INTS3: variants seen among roughly 807,000 people sequenced by gnomAD.
INTS3 encodes the protein SOSS complex subunit A.
A neutral mutation model predicts 146.3 loss-of-function variants in INTS3; 34 were observed. That is an observed-to-expected ratio of 0.23 (90% CI 0.18 to 0.31). The LOEUF is 0.31. Ranked by LOEUF, INTS3 falls within the 10% of genes least tolerant of loss-of-function variation. The pLI is 1.00. For missense variants in INTS3, 757 were observed against 1,304.2 expected (o/e 0.58, Z 6.46); for synonymous variants, 475 against 494.9 (o/e 0.96, Z 0.53).
At chr1:153,766,202 A>G (rs1672577264) in intron 20 of INTS3, among the ~76,000 whole-genome samples, 1 of 145,208 alleles carries the variant, frequency 6.9e-6, no homozygotes, top group Non-Finnish European at 1.5e-5. Context: ...GCTCACTGCA[A>G]CCTCCGCTTC....
At chr1:153,769,197 C>T (rs1356963270) in intron 22 of INTS3, among the ~76,000 whole-genome samples, 1 of 152,220 alleles carries the variant, frequency 6.6e-6, no homozygotes, top group Non-Finnish European at 1.5e-5. Flanking sequence ...TCTCCATATT[C>T]TTTGGGCACT....
At chr1:153,760,556 C>A in intron 12 of INTS3, 166 bp downstream of exon 12, 1 of 639,214 alleles carries the variant, frequency 1.6e-6, no homozygotes, top group Non-Finnish European at 2.8e-6. Context: ...CCATATTCCA[C>A]TGTCTGCACT....
chr1:153,742,157 T>C (rs959813095), intron 3 of INTS3, among the ~76,000 whole-genome samples: 1 of 152,208 alleles, frequency 6.6e-6, no homozygotes, highest in African/African-American at 2.4e-5. Flanking sequence ...GAAACTGATC[T>C]GTTTGTACTT....
At position 153,747,288 on chromosome 1, in the gene INTS3, T is replaced by C. The variant is rs774852461; in HGVS notation, c.442T>C (p.Leu148=). 1 of 1,614,070 alleles carries C rather than the reference T, an allele frequency of 6.2e-7. No homozygotes were observed. The highest frequency in any genetic ancestry group is 8.5e-7 in the Non-Finnish European group (1 of 1,179,908). The change falls in exon 5 of 30, where the codon TTG becomes CTG. Residue 148 remains leucine (L), a synonymous_variant. Coordinates refer to ENST00000318967, the MANE Select transcript of INTS3 (RefSeq NM_023015.5). ...QDTCRTQLVW[L]VRELVKSGVL... is the part of the protein sequence containing the mutation. ...TCCCTCTTTCCTTTAGTTGGTGTGG[T>C]TGGTACGGGAACTGGTGAAGAGTGG...
At chr1:153,750,230 CA>C (rs886678269) in intron 6 of INTS3, among the ~76,000 whole-genome samples, 1 of 152,240 alleles carries the variant, frequency 6.6e-6, no homozygotes, top group African/African-American at 2.4e-5. Context: ...TGCCTTCCAA[CA>C]GGGGGGCCAA....
In INTS3 at chr1:153,771,781, C is replaced by T. The variant is rs551840743; in HGVS notation, c.2553-15C>T. On this transcript the variant is annotated splice_polypyrimidine_tract_variant and intron_variant, in intron 25 of 29. Coordinates refer to ENST00000318967, the MANE Select transcript of INTS3 (RefSeq NM_023015.5). The stretch of plus-strand genomic sequence containing the variant: ...CACTGTGCAAGCAGCACCCAGTGCC[C>T]CCTTCCTCCCCCAGGCCCAGCGAGG... 729 of 1,605,470 alleles carry T rather than the reference C, an allele frequency of 4.5e-4. 8 individuals carry two copies. The South Asian group carries it at 7.3e-3, about 16-fold the overall frequency.
Position 153,757,899 on chromosome 1 carries a change from C to A in INTS3, c.1149+136C>A. 1.6e-6 allele frequency: 1 copy of A among 618,858 alleles called. No homozygotes were observed. The highest frequency in any genetic ancestry group is 2.8e-6 in the Non-Finnish European group (1 of 353,338). The allele number at this position is 618,858 out of a possible 1,614,324, so 38.3% of individuals were successfully genotyped here. The stretch of plus-strand genomic sequence containing the variant: ...ACTCTGGTCTTCCAGAGTGTCTCAG[C>A]CTTCACTTCCCTTTGTGTCTCTAGA... On this transcript the variant is annotated intron_variant, in intron 10 of 29. Transcript: ENST00000318967. This position sits in a 1 kb window ranked among gnomAD's most constrained non-coding sequence, Gnocchi z 4.0.
Position 153,761,660 on chromosome 1 carries a change from C to T in INTS3, c.1500C>T (p.Pro500=). ...AGTTTCCTGAGTTCTGCAGCTCACC[C>T]TCCCCACCTGTGGAAGGTATGAGGC... ...REKFPEFCSS[P]SPPVEVKIEE... is the part of the protein sequence containing the mutation. Residue 500 remains proline, a synonymous_variant, in exon 14 of 30, where the codon CCC becomes CCT. Coordinates refer to ENST00000318967, the MANE Select transcript of INTS3 (RefSeq NM_023015.5). 1 of 1,613,284 alleles carries T rather than the reference C, an allele frequency of 6.2e-7. No homozygotes were observed. Among genetic ancestry groups the T allele is most frequent in the Non-Finnish European group, 8.5e-7 (1 of 1,179,188 alleles).
Position 153,757,435 on chromosome 1 carries a change from G to T in INTS3, c.958-137G>T. 1.6e-6 allele frequency: 1 copy of T among 642,694 alleles called. No individual in the cohort carries two copies. 39.8% of individuals were successfully genotyped at this position (642,694 alleles called of 1,614,324 possible). ...CTCCTAAAGGAGGGGAGACTTACGA[G>T]ACAGTATGAGCTAATGAATGAATTG... On this transcript the variant is annotated intron_variant, in intron 9 of 29. Coordinates refer to ENST00000318967, the MANE Select transcript of INTS3 (RefSeq NM_023015.5). The surrounding 1 kb of genome is among the most constrained non-coding windows in gnomAD (Gnocchi z 4.0).
Position 153,764,050 on chromosome 1 carries a change from C to T in INTS3, c.1822-68C>T, listed in dbSNP as rs1672485602. On this transcript the variant is annotated intron_variant, in intron 17 of 29. Transcript: ENST00000318967. ...AGGTGGAAGCAGATGAGTTCCAAGACTGGGATCGTGGGGGCAGGAGGGCTT... is the reference window on the plus strand; with the variant it reads ...AGGTGGAAGCAGATGAGTTCCAAGATTGGGATCGTGGGGGCAGGAGGGCTT... The T allele has an allele frequency of 1.4e-5, 19 of 1,391,612 alleles. No homozygotes were observed. In the South Asian group the frequency reaches 2.0e-4, roughly 14 times the overall value. 86.2% of individuals were successfully genotyped at this position (1,391,612 alleles called of 1,614,324 possible). A position where few individuals can be genotyped will look rare whatever the true frequency, so the allele number is the denominator to read the frequency against.
intron 23 of INTS3, 134 bp from the exon 24 acceptor site, chr1:153,770,057 GGGTGTGT>G (rs1453109852): frequency 2.1e-4 from 97 of 451,870 alleles, no homozygotes; most frequent in South Asian, 6.7e-4. Flanking sequence ...CAGTGGATTG[GGGTGTGT>G]GTGTGTGTGT....
In INTS3 at chr1:153,771,916, C is replaced by T. The variant is rs1400124218; in HGVS notation, c.2673C>T (p.Ile891=). The change falls in exon 26 of 30, where the codon ATC becomes ATT. Residue 891 remains isoleucine (I), a synonymous_variant. Transcript: ENST00000318967. ...ATGACGAGCTGCTGGCCGAGCACAT[C>T]AAGTCCCTGCTCATCAAGAACAACA... The part of the protein sequence containing the change: ...MKHDELLAEH[I]KSLLIKNNSL... The T allele has an allele frequency of 6.2e-7, 1 of 1,614,086 alleles. No individual in the cohort carries two copies. Among genetic ancestry groups the T allele is most frequent in the Admixed American group, 1.7e-5 (1 of 60,018 alleles).
intron 1 of INTS3, among the ~76,000 whole-genome samples, chr1:153,735,440 G>T (rs1325520352): frequency 1.3e-5 from 2 of 152,178 alleles, no homozygotes; most frequent in Non-Finnish European, 2.9e-5. Context: ...AGTGTGGAGG[G>T]TTCTTTCTAT....
chr1:153,762,953 T>C, intron 15 of INTS3, 106 bp downstream of exon 15: 1 of 1,446,244 alleles, frequency 6.9e-7, no homozygotes, highest in African/African-American at 1.4e-5. Flanking sequence ...TTCCTGTGAG[T>C]TAAAGTTTTG....
chr1:153,752,530 C>T (rs2101804600), intron 8 of INTS3, 122 bp downstream of exon 8: 1 of 1,023,574 alleles, frequency 9.8e-7, no homozygotes, highest in Admixed American at 2.5e-5. Context: ...TTTAGGAAGC[C>T]TGGGACAGGG....
Position 153,763,485 on chromosome 1 carries a change from G to A in INTS3, c.1766+123G>A, listed in dbSNP as rs1216816893. 14 of 1,071,546 alleles carry A rather than the reference G, an allele frequency of 1.3e-5. 1 individual carries two copies. Among genetic ancestry groups the A allele is most frequent in the African/African-American group, 9.4e-5 (6 of 63,946 alleles). The allele number at this position is 1,071,546 out of a possible 1,614,324, so 66.4% of individuals were successfully genotyped here. The stretch of plus-strand genomic sequence containing the variant: ...CATGATAGGAGTGTGTGGAGAGGTA[G>A]CTGAAGCTTCATGAGGGAGTTCTTC... On this transcript the variant is annotated intron_variant, in intron 16 of 29. Coordinates refer to ENST00000318967, the MANE Select transcript of INTS3 (RefSeq NM_023015.5).
rs1454439475 is a variant in INTS3, at chr1:153,773,070, A to G, written c.3040A>G (p.Ser1014Gly). The change falls in exon 29 of 30, where the codon AGC (serine) becomes GGC (glycine). Residue 1014 changes from serine to glycine, a missense_variant. By Grantham distance (56) the Ser-to-Gly change is moderately conservative. Coordinates refer to ENST00000318967, the MANE Select transcript of INTS3 (RefSeq NM_023015.5). ...PPNAEEESGS[S>G]SASEEEDTKP... The stretch of plus-strand genomic sequence containing the variant: ...CAATGCCGAAGAAGAGTCGGGCTCC[A>G]GCAGTGCTTCAGTGAGAACCCAGCC... 15 of 1,614,056 alleles carry G rather than the reference A, an allele frequency of 9.3e-6. No homozygotes were observed. The highest frequency in any genetic ancestry group is 1.3e-5 in the Non-Finnish European group (15 of 1,180,020).
intron 25 of INTS3, 138 bp downstream of exon 25, chr1:153,770,871 A>C: frequency 1.4e-6 from 1 of 711,838 alleles, no homozygotes; most frequent in Non-Finnish European, 2.5e-6. Flanking sequence ...CCCTTCCCCC[A>C]ACGTGACTTA....
rs780684320 is a variant in INTS3 at position 153,771,951 on chromosome 1, G to A, written c.2708G>A (p.Arg903His). The A allele has an allele frequency of 8.7e-6, 14 of 1,613,010 alleles. No homozygotes were observed. Among genetic ancestry groups the A allele is most frequent in the East Asian group, 2.2e-5 (1 of 44,830 alleles). Residue 903 changes from arginine to histidine, a missense_variant, in exon 26 of 30, where the codon CGC (arginine) becomes CAC (histidine). Coordinates refer to ENST00000318967, the MANE Select transcript of INTS3 (RefSeq NM_023015.5). ...SLLIKNNSLP[R>H]KRQSLRSSSS... ...CTCATCAAGAACAACAGCCTGCCTCGCAAGAGACAGAGGTGGGACACGGTC... is the reference window on the plus strand; with the variant it reads ...CTCATCAAGAACAACAGCCTGCCTCACAAGAGACAGAGGTGGGACACGGTC...
Sources: allele counts gnomAD v4.1 joint callset (sites outside exome capture counted in the v4.1 genomes callset), GRCh38; gene constraint gnomAD v4.1.1; non-coding constraint Gnocchi (gnomAD v3.1); transcripts MANE v1.5; gene names NCBI Gene and HGNC (gene_info 2026-07-23, HGNC 2026-07-21).